HYDIN: variants seen among roughly 807,000 people sequenced by gnomAD.
The protein encoded by HYDIN is axonemal central pair apparatus protein HYDIN.
HYDIN carries 132 observed loss-of-function variants against 403.9 expected under a neutral mutation model. That is an observed-to-expected ratio of 0.33 (90% CI 0.28 to 0.38). The LOEUF (loss-of-function observed/expected upper bound fraction) is 0.38, where lower values mean the gene tolerates loss of function less well. Among genes scored for constraint, HYDIN ranks in the 10% least tolerant of loss-of-function variants. The probability of loss-of-function intolerance (pLI) is 1.00; values close to 1 mark genes in which losing one functional copy is unlikely to be tolerated. For synonymous variants in HYDIN, 1,202 were observed against 1,891.7 expected (o/e 0.64, Z 9.46); for missense variants, 2,827 against 5,009.5 (o/e 0.56, Z 13.15).
At chr16:70,880,182 C>T (rs2143682080) in intron 60 of HYDIN, among the ~76,000 whole-genome samples, 1 of 119,056 alleles carries the variant, frequency 8.4e-6, no homozygotes, top group South Asian at 2.6e-4. Context: ...CCTCAGCCTC[C>T]CGAGTAGCTG....
intron 76 of HYDIN, among the ~76,000 whole-genome samples, chr16:70,838,228 T>C (rs1161545773): frequency 6.6e-6 from 1 of 152,064 alleles, no homozygotes; most frequent in Non-Finnish European, 1.5e-5. Flanking sequence ...TCTCACTCTG[T>C]CACCCAGGCT....
chr16:71,102,426 T>C (rs553709600), intron 10 of HYDIN, among the ~76,000 whole-genome samples: 89 of 152,126 alleles, frequency 5.9e-4, no homozygotes, highest in Non-Finnish European at 1.0e-3. Flanking sequence ...CAAAATTGTT[T>C]ATTATATGGG....
chr16:70,943,863 G>A lies in HYDIN; in HGVS notation c.6618C>T (p.Ser2206=). ...CGAGAAGTTCATCCGGGAGCACACAGCTCATCAGCCCGGTCTCGCCTCCGA... is the reference window on the plus strand; with the variant it reads ...CGAGAAGTTCATCCGGGAGCACACAACTCATCAGCCCGGTCTCGCCTCCGA... ...PSVGGETGLM[S]CVLPDELLVQ... The change falls in exon 42 of 86, where the codon AGC becomes AGT. Residue 2206 remains serine (S), a synonymous_variant. Coordinates refer to ENST00000393567, the MANE Select transcript of HYDIN (RefSeq NM_001270974.2). The A allele has an allele frequency of 6.2e-7, 1 of 1,613,674 alleles. No homozygotes were observed. Among genetic ancestry groups the A allele is most frequent in the Non-Finnish European group, 8.5e-7 (1 of 1,180,016 alleles).
At chr16:70,940,527 T>C (rs2077637328) in intron 43 of HYDIN, among the ~76,000 whole-genome samples, 1 of 151,640 alleles carries the variant, frequency 6.6e-6, no homozygotes. Context: ...ATTTAGATGA[T>C]TTAGGGGAGA....
intron 3 of HYDIN, among the ~76,000 whole-genome samples, chr16:71,179,534 GA>G (rs1410490621): frequency 6.6e-6 from 1 of 152,186 alleles, no homozygotes; most frequent in Non-Finnish European, 1.5e-5. Context: ...ATGCAGGAAG[GA>G]AAGGAGAATA....
chr16:71,159,808 C>A (rs2085926104), intron 6 of HYDIN, among the ~76,000 whole-genome samples: 1 of 151,958 alleles, frequency 6.6e-6, no homozygotes, highest in Non-Finnish European at 1.5e-5. Context: ...GCCCAGAATT[C>A]TATATGGTGA....
At chr16:70,843,043 A>T (rs61186706) in intron 75 of HYDIN, among the ~76,000 whole-genome samples, 10,194 of 150,628 alleles carry the variant, frequency 0.068, 1,054 homozygotes, top group African/African-American at 0.23. Context: ...TTATTTATTT[A>T]TTCTTTTTTT....
chr16:70,817,208 C>T (rs1306572811), intron 84 of HYDIN: 3 of 151,762 alleles, frequency 2.0e-5, no homozygotes, highest in Non-Finnish European at 4.4e-5. Context: ...TTAAAAAACC[C>T]GACAATACCA....
In HYDIN at chr16:70,920,630, C is replaced by T. The variant is rs2076965574; in HGVS notation, c.7746G>A (p.Lys2582=). Residue 2582 remains lysine, a synonymous_variant, in exon 46 of 86, where the codon AAG becomes AAA. Transcript: ENST00000393567. ...QTPDFEGLSW[K]QALESDKLPK... ...GAAGCTTGTCGCTCTCTAGGGCCTG[C>T]TTCCAGCTCAAGCCTTCAAAGTCTG... 6.2e-7 allele frequency: 1 copy of T among 1,613,864 alleles called. No homozygotes were observed. The highest frequency in any genetic ancestry group is 8.5e-7 in the Non-Finnish European group (1 of 1,179,956).
intron 1 of HYDIN, among the ~76,000 whole-genome samples, chr16:71,220,943 G>A (rs775862135): frequency 3.9e-5 from 6 of 152,116 alleles, no homozygotes; most frequent in Admixed American, 2.6e-4. Flanking sequence ...AAGCTAACAA[G>A]ACCATAAGGA....
At chr16:70,867,028 CAAAAAA>C (rs34578135) in intron 66 of HYDIN, among the ~76,000 whole-genome samples, 1 of 92,964 alleles carries the variant, frequency 1.1e-5, no homozygotes. Flanking sequence ...CTGTCCCCCT[CAAAAAA>C]AAAAAAAAAA....
intron 12 of HYDIN, among the ~76,000 whole-genome samples, chr16:71,085,472 T>C (rs1597740134): frequency 6.7e-6 from 1 of 149,752 alleles, no homozygotes; most frequent in East Asian, 2.0e-4. Context: ...TAGATGTCTG[T>C]TAGGTCTAGG....
chr16:71,158,546 T>C (rs1482770946), intron 6 of HYDIN, among the ~76,000 whole-genome samples: 2 of 150,528 alleles, frequency 1.3e-5, no homozygotes, highest in Non-Finnish European at 2.9e-5. Context: ...CAGGAAGATA[T>C]GTTCCCGCAC....
At chr16:70,967,674 C>T (rs1358184759) in intron 36 of HYDIN, among the ~76,000 whole-genome samples, 1 of 152,002 alleles carries the variant, frequency 6.6e-6, no homozygotes, top group Non-Finnish European at 1.5e-5. Context: ...TTTTAGTAGA[C>T]ACGGGGTTTC....
At chr16:70,944,422 G>T (rs555377042) in intron 41 of HYDIN, among the ~76,000 whole-genome samples, 5 of 152,362 alleles carry the variant, frequency 3.3e-5, no homozygotes, top group Middle Eastern at 3.4e-3. Context: ...TAACAGGGCT[G>T]GGGAAAGACT....
chr16:70,838,681 T>G (rs1188044008), intron 76 of HYDIN, among the ~76,000 whole-genome samples: 1 of 152,174 alleles, frequency 6.6e-6, no homozygotes, highest in Non-Finnish European at 1.5e-5. Flanking sequence ...TGAAGAGTTA[T>G]GTGGCCCACT....
rs79664388 is a variant in HYDIN at position 71,133,921 on chromosome 16, T to A, written c.1043+3230A>T. 8.4e-3 allele frequency among the ~76,000 whole-genome samples: 1,270 copies of A among 152,064 alleles called. 16 individuals are homozygous for A. Among genetic ancestry groups the A allele is most frequent in the African/African-American group, 0.029 (1,204 of 41,424 alleles). On this transcript the variant is annotated intron_variant, in intron 8 of 85. Transcript: ENST00000393567. ...CTGATTATCAAGTTAAAAAAAAAAA[T>A]TTAAAGTACAGAACTTCTTCCCACG...
chr16:70,905,672 T>C (rs190567772), intron 50 of HYDIN, among the ~76,000 whole-genome samples: 151 of 146,858 alleles, frequency 1.0e-3, no homozygotes, highest in Middle Eastern at 3.5e-3. Flanking sequence ...AAGAAAAGAA[T>C]GAGTGAATAA....
intron 45 of HYDIN, among the ~76,000 whole-genome samples, chr16:70,930,775 C>A (rs552203931): frequency 1.3e-5 from 2 of 152,238 alleles, no homozygotes; most frequent in Non-Finnish European, 1.5e-5. Context: ...CTTGATCCAA[C>A]CAAGCTTAAT....
Sources: allele counts gnomAD v4.1 joint callset (sites outside exome capture counted in the v4.1 genomes callset), GRCh38; gene constraint gnomAD v4.1.1; transcripts MANE v1.5; gene names NCBI Gene and HGNC (gene_info 2026-07-23, HGNC 2026-07-21).